Variants in DMD observed in about 807,000 individuals in gnomAD.
DMD encodes the protein dystrophin.
DMD carries 63 observed loss-of-function variants against 330.1 expected under a neutral mutation model. The ratio of observed to expected loss-of-function variants is 0.19; its 90% CI spans 0.16 to 0.24. DMD has a LOEUF of 0.24. Ranked by LOEUF, DMD falls within the 10% of genes least tolerant of loss-of-function variation. The pLI is 1.00. For synonymous variants in DMD, 1,223 were observed against 959.8 expected (o/e 1.27, Z -5.07); for missense variants, 3,344 against 2,684.1 (o/e 1.25, Z -5.43).
chrX:31,178,125 A>C, intron 70 of DMD, 155 bp from the exon 71 acceptor site: 2 of 728,349 alleles, frequency 2.7e-6, no homozygotes, highest in Non-Finnish European at 3.2e-6. Flanking sequence ...TAAAAGAAAA[A>C]CACACAGTTG....
intron 1 of DMD, among the ~76,000 whole-genome samples, chrX:33,261,816 G>A (rs1390761972): frequency 9.1e-6 from 1 of 110,434 alleles, no homozygotes; most frequent in Non-Finnish European, 1.9e-5. Flanking sequence ...GGGGACAACA[G>A]CAAAGTGGTG....
intron 1 of DMD, among the ~76,000 whole-genome samples, chrX:33,190,475 CTTTT>C (rs1179347488): frequency 8.9e-5 from 2 of 22,442 alleles, no homozygotes; most frequent in African/African-American, 1.8e-4. Context: ...ATCTTTCTTT[CTTTT>C]TTTTTTTTTT....
chrX:32,870,982 AAAAAAAC>A lies in DMD; in HGVS notation c.94-21169_94-21163del, dbSNP rs1165140498. Among the ~76,000 whole-genome samples the A allele has an allele frequency of 8.8e-3, 423 of 48,085 alleles. 21 individuals carry two copies. Among genetic ancestry groups the A allele is most frequent in the Non-Finnish European group, 9.2e-3 (189 of 20,545 alleles). The allele number at this position is 48,085 out of a possible 115,157, so 41.8% of individuals were successfully genotyped here. A position where few individuals can be genotyped will look rare whatever the true frequency, so the allele number is the denominator to read the frequency against. On this transcript the variant is annotated intron_variant, in intron 2 of 78. Transcript: ENST00000357033. ...GCAAAAAAAAAAAAAAAAAAAAAAA[AAAAAAAC>A]CACAAAACCCATCATCAGAATGAAC... is the stretch of plus-strand genomic sequence containing the variant.
chrX:31,386,973 G>A (rs1478280134), intron 60 of DMD, among the ~76,000 whole-genome samples: 1 of 111,450 alleles, frequency 9.0e-6, no homozygotes, highest in Non-Finnish European at 1.9e-5. Flanking sequence ...TCTTTTTTGC[G>A]TAATGTTTGG....
intron 1 of DMD, among the ~76,000 whole-genome samples, chrX:33,162,714 T>C (rs939810732): frequency 1.5e-4 from 17 of 110,992 alleles, no homozygotes; most frequent in African/African-American, 4.6e-4. Context: ...GGCTGTTCTA[T>C]GTTGAATTAT....
At chrX:31,195,690 AATGG>A (rs1307143903) in intron 67 of DMD, among the ~76,000 whole-genome samples, 1 of 107,847 alleles carries the variant, frequency 9.3e-6, no homozygotes, top group Non-Finnish European at 1.9e-5. Flanking sequence ...GGGTGATAGA[AATGG>A]AAGGAAGAAA....
intron 11 of DMD, among the ~76,000 whole-genome samples, chrX:32,622,476 T>G (rs143455571): frequency 3.8e-3 from 423 of 111,949 alleles, no homozygotes; most frequent in African/African-American, 0.013. Context: ...TTGAAATTTT[T>G]GCCAGTAGTT....
intron 7 of DMD, among the ~76,000 whole-genome samples, chrX:32,732,296 T>C (rs1288484534): frequency 9.0e-6 from 1 of 111,169 alleles, no homozygotes; most frequent in African/African-American, 3.3e-5. Flanking sequence ...TTGGTGTACC[T>C]GAAAGTGATG....
At chrX:32,922,864 G>A (rs1408301963) in intron 2 of DMD, among the ~76,000 whole-genome samples, 1 of 112,069 alleles carries the variant, frequency 8.9e-6, no homozygotes, top group African/African-American at 3.2e-5. Context: ...TGTAGTATTG[G>A]TATATAAATC....
At position 32,588,872 on chromosome X, in the gene DMD, G is replaced by A. The variant is rs113597231; in HGVS notation, c.1602+6885C>T. Reference sequence around the variant, plus strand: ...GTTTCTGGTACAGGTGTCATGATAAGTGCCAGTGCAATGACAAAAATAAGA... The same window carrying A: ...GTTTCTGGTACAGGTGTCATGATAAATGCCAGTGCAATGACAAAAATAAGA... On this transcript the variant is annotated intron_variant, in intron 13 of 78. Coordinates refer to ENST00000357033, the MANE Select transcript of DMD (RefSeq NM_004006.3). Among the ~76,000 whole-genome samples, 497 of 112,201 alleles carry A rather than the reference G, an allele frequency of 4.4e-3. 1 individual carries two copies. Among genetic ancestry groups the A allele is most frequent in the Non-Finnish European group, 7.8e-3 (414 of 53,234 alleles).
chrX:31,145,915 C>A (rs1192109607), intron 76 of DMD, among the ~76,000 whole-genome samples: 1 of 112,095 alleles, frequency 8.9e-6, no homozygotes, highest in Non-Finnish European at 1.9e-5. Context: ...CCCACCTCAC[C>A]CTCCCAAAGT....
chrX:31,903,336 A>G (rs1235251962), intron 47 of DMD, among the ~76,000 whole-genome samples: 1 of 111,584 alleles, frequency 9.0e-6, no homozygotes, highest in Non-Finnish European at 1.9e-5. Flanking sequence ...CACATTGGAG[A>G]GCACTGATCT....
intron 9 of DMD, among the ~76,000 whole-genome samples, chrX:32,679,726 A>T (rs911568229): frequency 1.6e-4 from 17 of 109,021 alleles, no homozygotes; most frequent in Non-Finnish European, 1.9e-5. Flanking sequence ...AATAAAATAG[A>T]AGTTTTAATT....
At chrX:33,186,061 T>A (rs1361056993) in intron 1 of DMD, among the ~76,000 whole-genome samples, 1 of 111,724 alleles carries the variant, frequency 9.0e-6, no homozygotes, top group Non-Finnish European at 1.9e-5. Context: ...AGGGGGCCCA[T>A]AATGAATAAT....
At chrX:31,877,994 A>G (rs2093995604) in intron 47 of DMD, among the ~76,000 whole-genome samples, 1 of 111,797 alleles carries the variant, frequency 8.9e-6, no homozygotes, top group Non-Finnish European at 1.9e-5. Flanking sequence ...TCTGATCATG[A>G]AATTGTTCAC....
At chrX:32,688,496 T>G (rs780374374) in intron 9 of DMD, among the ~76,000 whole-genome samples, 4 of 112,123 alleles carry the variant, frequency 3.6e-5, no homozygotes, top group Non-Finnish European at 7.5e-5. Flanking sequence ...TTGTAAATAT[T>G]TCTTTACCCT....
chrX:33,169,964 T>C (rs1340920086), intron 1 of DMD, among the ~76,000 whole-genome samples: 1 of 110,988 alleles, frequency 9.0e-6, no homozygotes, highest in Non-Finnish European at 1.9e-5. Context: ...ACTCAGGTAA[T>C]TTGCCAGATT....
chrX:32,389,258 T>A (rs1353287535), intron 32 of DMD, among the ~76,000 whole-genome samples: 2 of 111,610 alleles, frequency 1.8e-5, no homozygotes, highest in Non-Finnish European at 3.8e-5. Context: ...ATTTAAAGAA[T>A]CATAAAAATT....
At chrX:32,439,629 G>T (rs770262128) in intron 28 of DMD, among the ~76,000 whole-genome samples, 2 of 111,404 alleles carry the variant, frequency 1.8e-5, no homozygotes, top group South Asian at 7.4e-4. Context: ...ATCTTGAGTT[G>T]CAAGAAAACC....
Sources: gnomAD v4.1 joint callset for allele counts (sites outside exome capture counted in the v4.1 genomes callset) on GRCh38, gnomAD v4.1.1 for gene constraint, MANE v1.5 for transcripts, NCBI Gene and HGNC (gene_info 2026-07-23, HGNC 2026-07-21) for gene names.